ZFHX3: variants seen among roughly 807,000 people sequenced by gnomAD.
ZFHX3 encodes zinc finger homeobox 3.
ZFHX3 carries 42 observed loss-of-function variants against 279.1 expected under a neutral mutation model. The ratio of observed to expected loss-of-function variants is 0.15; its 90% CI spans 0.12 to 0.19. ZFHX3 has a LOEUF of 0.19. Ranked by LOEUF, ZFHX3 falls within the 10% of genes least tolerant of loss-of-function variation. The pLI is 1.00. For synonymous variants in ZFHX3, 2,293 were observed against 1,957.8 expected, an observed-to-expected ratio of 1.17 and a Z score of -4.52; for missense variants, 4,981 against 4,754.0, an observed-to-expected ratio of 1.05 and a Z score of -1.40.
At chr16:73,811,621 A>G (rs1960429192) in intron 1 of ZFHX3, among the ~76,000 whole-genome samples, 1 of 151,430 alleles carries the variant, frequency 6.6e-6, no homozygotes, top group African/African-American at 2.4e-5. Flanking sequence ...TAATTTTTGT[A>G]TTTTTAATAG....
intron 4 of ZFHX3, among the ~76,000 whole-genome samples, chr16:73,313,274 T>A (rs2015369883): frequency 6.6e-6 from 1 of 152,210 alleles, no homozygotes; most frequent in African/African-American, 2.4e-5. Flanking sequence ...TATGAGTCAA[T>A]TAAACCTTTT....
At chr16:73,591,821 G>GT (rs1360728125) in intron 2 of ZFHX3, among the ~76,000 whole-genome samples, 1 of 28,886 alleles carries the variant, frequency 3.5e-5, no homozygotes, top group African/African-American at 8.7e-5. Flanking sequence ...CAAGGAAATG[G>GT]TAAAAAAAAA....
At chr16:73,689,501 T>C (rs1871691) in intron 1 of ZFHX3, among the ~76,000 whole-genome samples, 140,080 of 152,248 alleles carry the variant, frequency 0.92, 64,812 homozygotes, top group East Asian at 1. Context: ...GTGCTTCCTT[T>C]GCTGTGGGAA....
At chr16:73,557,663 G>A (rs200589420) in intron 2 of ZFHX3, among the ~76,000 whole-genome samples, 5 of 151,938 alleles carry the variant, frequency 3.3e-5, no homozygotes, top group East Asian at 1.9e-4. Flanking sequence ...CACTCTTGTC[G>A]TCATCTTGTT....
intron 4 of ZFHX3, among the ~76,000 whole-genome samples, chr16:73,311,589 CA>C (rs1156241061): frequency 6.4e-4 from 18 of 27,998 alleles, no homozygotes; most frequent in South Asian, 4.0e-3. Flanking sequence ...TACTCCATCT[CA>C]AAAAAAAAAA....
At chr16:73,352,954 G>A (rs929062575) in intron 3 of ZFHX3, among the ~76,000 whole-genome samples, 7 of 152,146 alleles carry the variant, frequency 4.6e-5, no homozygotes, top group African/African-American at 1.7e-4. Flanking sequence ...TGCCTGACCA[G>A]AAGCCTCATG....
chr16:73,385,236 T>C (rs1457299562), intron 3 of ZFHX3, among the ~76,000 whole-genome samples: 1 of 152,164 alleles, frequency 6.6e-6, no homozygotes, highest in Non-Finnish European at 1.5e-5. Context: ...TTTTTGCTTC[T>C]GCCATTTAGA....
intron 3 of ZFHX3, among the ~76,000 whole-genome samples, chr16:73,413,422 C>T (rs2017508996): frequency 6.6e-6 from 1 of 152,270 alleles, no homozygotes; most frequent in Middle Eastern, 3.4e-3. Context: ...CTCTGGGCAC[C>T]TTGCGGAAGG....
At chr16:73,843,600 T>C (rs7205200) in intron 1 of ZFHX3, among the ~76,000 whole-genome samples, 3,327 of 152,300 alleles carry the variant, frequency 0.022, 135 homozygotes, top group African/African-American at 0.075. Context: ...ATAGGAAATA[T>C]TGAAAACCCA....
intron 5 of ZFHX3, among the ~76,000 whole-genome samples, chr16:73,202,996 C>G (rs1420740486): frequency 6.8e-6 from 1 of 147,156 alleles, no homozygotes. Context: ...TCTTGATCTT[C>G]CCAGCCTAGT....
chr16:73,261,691 T>TTTTTTTTTG (rs1359093355), intron 4 of ZFHX3, among the ~76,000 whole-genome samples: 1 of 140,814 alleles, frequency 7.1e-6, no homozygotes, highest in Non-Finnish European at 1.6e-5. Context: ...TTTTTTTTTT[T>TTTTTTTTTG]TAGGACAGAG....
chr16:73,527,522 G>A (rs1056739396), intron 2 of ZFHX3, among the ~76,000 whole-genome samples: 20 of 152,152 alleles, frequency 1.3e-4, no homozygotes, highest in African/African-American at 4.1e-4. Context: ...GTACTTGGGC[G>A]CTTATGTCAC....
At chr16:73,483,366 A>ATT (rs1397157611) in intron 2 of ZFHX3, 1 of 455,280 alleles carries the variant, frequency 2.2e-6, no homozygotes, top group Non-Finnish European at 4.4e-6. Flanking sequence ...AGAGAGAGAG[A>ATT]GAGTTCCTCA....
At chr16:73,364,135 T>C (rs2016486195) in intron 3 of ZFHX3, among the ~76,000 whole-genome samples, 1 of 150,848 alleles carries the variant, frequency 6.6e-6, no homozygotes, top group African/African-American at 2.4e-5. Flanking sequence ...ATGGTACCAC[T>C]GCACACTAGC....
At chr16:72,841,062 T>A (rs772452604) in intron 4 of ZFHX3, among the ~76,000 whole-genome samples, 2 of 151,972 alleles carry the variant, frequency 1.3e-5, no homozygotes, top group Non-Finnish European at 2.9e-5. Flanking sequence ...ACACCCGGAG[T>A]GGCCAAGAAA....
intron 7 of ZFHX3, among the ~76,000 whole-genome samples, chr16:73,120,685 C>T (rs565371181): frequency 2.0e-4 from 24 of 120,736 alleles, no homozygotes; most frequent in East Asian, 1.3e-3. Context: ...GACAGAATCT[C>T]GCTCTGTCGC....
At chr16:72,903,782 G>A (rs973613173) in intron 3 of ZFHX3, among the ~76,000 whole-genome samples, 12 of 152,162 alleles carry the variant, frequency 7.9e-5, no homozygotes, top group African/African-American at 2.9e-4. Context: ...TGGGTCTTTT[G>A]AAAGCTCTAA....
Position 73,467,278 on chromosome 16 carries a change from GTC to G in ZFHX3, c.-1546-11022_-1546-11021del, listed in dbSNP as rs758470599. Reference sequence around the variant, plus strand: ...GGAAGCAAGATAGCTCCAAAAGAATGTCTCTGTCTTACTTTGGTTGCCACTTC... The same window carrying G: ...GGAAGCAAGATAGCTCCAAAAGAATGTCTGTCTTACTTTGGTTGCCACTTC... On this transcript the variant is annotated intron_variant, in intron 2 of 17. Transcript: ENST00000641206. Among the ~76,000 whole-genome samples the G allele has an allele frequency of 6.8e-4, 103 of 150,476 alleles. 1 individual carries two copies. The highest frequency in any genetic ancestry group is 1.4e-3 in the Non-Finnish European group (95 of 68,020).
chr16:72,923,197 T>C (rs1567585860), intron 3 of ZFHX3, among the ~76,000 whole-genome samples: 1 of 152,188 alleles, frequency 6.6e-6, no homozygotes, highest in Non-Finnish European at 1.5e-5. Context: ...CCTAGCACTT[T>C]GGGAGACCAA....
Sources: allele counts gnomAD v4.1 joint callset (sites outside exome capture counted in the v4.1 genomes callset), GRCh38; gene constraint gnomAD v4.1.1; transcripts MANE v1.5; gene names NCBI Gene and HGNC (gene_info 2026-07-23, HGNC 2026-07-21).